Variants in EYA1 observed in about 807,000 individuals in gnomAD.
EYA1 encodes EYA transcriptional coactivator and phosphatase 1, also known as protein phosphatase EYA1.
A neutral mutation model predicts 82.0 loss-of-function variants in EYA1; 16 were observed. That is an observed-to-expected ratio of 0.20 (90% CI 0.13 to 0.30). EYA1 has a LOEUF of 0.30. EYA1 is among the 10% of genes least tolerant of loss of function. EYA1 has a pLI of 1.00. For synonymous variants in EYA1, 261 were observed against 264.4 expected, an observed-to-expected ratio of 0.99 and a Z score of 0.12; for missense variants, 633 against 730.7, an observed-to-expected ratio of 0.87 and a Z score of 1.54.
At chr8:71,460,517 G>T (rs1397758305) in intron 2 of EYA1, among the ~76,000 whole-genome samples, 1 of 152,190 alleles carries the variant, frequency 6.6e-6, no homozygotes, top group African/African-American at 2.4e-5. Context: ...AGGGCCAGGA[G>T]GAGGCACTTC....
intron 7 of EYA1, among the ~76,000 whole-genome samples, chr8:71,315,040 C>T (rs948807923): frequency 2.6e-5 from 4 of 151,830 alleles, no homozygotes; most frequent in Non-Finnish European, 5.9e-5. Context: ...CTGAATTGTT[C>T]CTGCTGCATA....
At chr8:71,317,176 G>A (rs1366456021) in intron 7 of EYA1, among the ~76,000 whole-genome samples, 2 of 152,122 alleles carry the variant, frequency 1.3e-5, no homozygotes, top group African/African-American at 4.8e-5. Context: ...TGGAAAAGTT[G>A]GATGGTAATA....
At chr8:71,406,753 C>G (rs1773102969) in intron 2 of EYA1, among the ~76,000 whole-genome samples, 1 of 150,900 alleles carries the variant, frequency 6.6e-6, no homozygotes, top group East Asian at 1.9e-4. Context: ...ATTGCTAGCA[C>G]AGCAGTCTGA....
chr8:71,517,430 A>T (rs1265270731), intron 2 of EYA1, among the ~76,000 whole-genome samples: 1 of 151,962 alleles, frequency 6.6e-6, no homozygotes, highest in Non-Finnish European at 1.5e-5. Flanking sequence ...TTACCAAGCA[A>T]CTAGATCATA....
In EYA1 at chr8:71,199,035, C is replaced by T. The variant is rs1451338564; in HGVS notation, c.*305G>A. On this transcript the variant is annotated 3_prime_UTR_variant, in exon 18 of 18. Coordinates refer to ENST00000340726, the MANE Select transcript of EYA1 (RefSeq NM_000503.6). ...ACATTGAAAATGCTAACAACTGAAGCGTTTGCAGGTCCTTTCTTCACAGGT... is the reference window on the plus strand; with the variant it reads ...ACATTGAAAATGCTAACAACTGAAGTGTTTGCAGGTCCTTTCTTCACAGGT... 4 of 424,884 alleles carry T rather than the reference C, an allele frequency of 9.4e-6. No individual in the cohort carries two copies. The highest frequency in any genetic ancestry group is 1.3e-5 in the Non-Finnish European group (3 of 227,398). The allele number at this position is 424,884 out of a possible 1,614,324, so 26.3% of individuals were successfully genotyped here. A position where few individuals can be genotyped will look rare whatever the true frequency, so the allele number is the denominator to read the frequency against.
At chr8:71,420,343 T>G (rs980575782) in intron 2 of EYA1, among the ~76,000 whole-genome samples, 2 of 152,156 alleles carry the variant, frequency 1.3e-5, no homozygotes, top group African/African-American at 4.8e-5. Flanking sequence ...AACTTGTCAT[T>G]TTATCATTGC....
At chr8:71,507,758 G>A (rs1812303697) in intron 2 of EYA1, among the ~76,000 whole-genome samples, 1 of 152,254 alleles carries the variant, frequency 6.6e-6, no homozygotes, top group African/African-American at 2.4e-5. Flanking sequence ...GCAAACCAGT[G>A]GGTATAGTGT....
intron 2 of EYA1, among the ~76,000 whole-genome samples, chr8:71,505,317 G>C (rs576546109): frequency 6.6e-6 from 1 of 152,174 alleles, no homozygotes; most frequent in South Asian, 2.1e-4. Context: ...TTTGAGAAGC[G>C]CTGGCTCAAG....
At chr8:71,510,923 TG>T (rs1435743303) in intron 2 of EYA1, among the ~76,000 whole-genome samples, 1 of 152,264 alleles carries the variant, frequency 6.6e-6, no homozygotes, top group African/African-American at 2.4e-5. Flanking sequence ...TTTATTTTTT[TG>T]TTTCTTTTTA....
At chr8:71,342,810 C>T (rs905252225) in intron 3 of EYA1, among the ~76,000 whole-genome samples, 11 of 152,090 alleles carry the variant, frequency 7.2e-5, no homozygotes, top group Non-Finnish European at 1.5e-4. Flanking sequence ...TCCTAGTCTC[C>T]ATAATTTATT....
intron 7 of EYA1, among the ~76,000 whole-genome samples, chr8:71,311,248 T>C (rs1563443191): frequency 6.6e-6 from 1 of 152,202 alleles, no homozygotes; most frequent in Non-Finnish European, 1.5e-5. Context: ...TTCAAGTTAG[T>C]TGTTTCTTTT....
chr8:71,341,137 G>A (rs1417954141), intron 3 of EYA1, among the ~76,000 whole-genome samples: 1 of 152,098 alleles, frequency 6.6e-6, no homozygotes, highest in Non-Finnish European at 1.5e-5. Context: ...TGTTTAGAGA[G>A]GATCCCGCCC....
rs537015176 is a variant in EYA1 at position 71,294,214 on chromosome 8, C to T, written c.826+4833G>A. 1.7e-4 allele frequency among the ~76,000 whole-genome samples: 26 copies of T among 152,254 alleles called. 1 individual carries two copies. The South Asian group carries it at 5.4e-3, about 32-fold the overall frequency. ...GTGGCTCACGCCTGTAATCCCAGCACTTTGGGAGGCCGAGGCGGGTGGATC... is the reference window on the plus strand; with the variant it reads ...GTGGCTCACGCCTGTAATCCCAGCATTTTGGGAGGCCGAGGCGGGTGGATC... On this transcript the variant is annotated intron_variant, in intron 9 of 17. Coordinates refer to ENST00000340726, the MANE Select transcript of EYA1 (RefSeq NM_000503.6).
intron 3 of EYA1, among the ~76,000 whole-genome samples, chr8:71,335,445 A>G (rs1050981429): frequency 1.3e-5 from 2 of 152,342 alleles, no homozygotes; most frequent in African/African-American, 2.4e-5. Context: ...TTTTTAAAAA[A>G]ATAATTTTTC....
chr8:71,540,196 C>T (rs1815036207), intron 1 of EYA1, among the ~76,000 whole-genome samples: 1 of 152,136 alleles, frequency 6.6e-6, no homozygotes, highest in Non-Finnish European at 1.5e-5. Context: ...AATCTTTCTT[C>T]CCAATTCTAC....
intron 2 of EYA1, among the ~76,000 whole-genome samples, chr8:71,489,214 C>G (rs969266913): frequency 2.0e-5 from 3 of 152,096 alleles, no homozygotes; most frequent in African/African-American, 7.2e-5. Context: ...TCTGGCTTTC[C>G]ACCTACTTCT....
chr8:71,483,297 T>G (rs1172728853), intron 2 of EYA1, among the ~76,000 whole-genome samples: 1 of 152,184 alleles, frequency 6.6e-6, no homozygotes, highest in East Asian at 1.9e-4. Flanking sequence ...TGTGTTTAAA[T>G]GTCATCTTCT....
chr8:71,424,809 G>A (rs559312166), intron 2 of EYA1, among the ~76,000 whole-genome samples: 1 of 151,954 alleles, frequency 6.6e-6, no homozygotes, highest in African/African-American at 2.4e-5. Flanking sequence ...AGTCTACTGG[G>A]TTACATGTGA....
chr8:71,317,110 A>C (rs1390081181), intron 7 of EYA1, among the ~76,000 whole-genome samples: 1 of 152,192 alleles, frequency 6.6e-6, no homozygotes, highest in South Asian at 2.1e-4. Flanking sequence ...TTCTACAGCT[A>C]TGACTGTCAC....
Sources: gnomAD v4.1 joint callset for allele counts (sites outside exome capture counted in the v4.1 genomes callset) on GRCh38, gnomAD v4.1.1 for gene constraint, MANE v1.5 for transcripts, NCBI Gene and HGNC (gene_info 2026-07-23, HGNC 2026-07-21) for gene names.